SPON1: variants seen among roughly 807,000 people sequenced by gnomAD.
SPON1 encodes spondin 1, also known as spondin-1.
Under a neutral mutation model 111.7 loss-of-function variants are expected in SPON1, and 52 were observed. That is an observed-to-expected ratio of 0.47 (90% CI 0.37 to 0.59). SPON1 has a LOEUF of 0.59. Among genes scored for constraint, SPON1 ranks in the 20% least tolerant of loss-of-function variants. The pLI, the probability that SPON1 is intolerant of heterozygous loss-of-function variation, is 0.00. For missense variants in SPON1, 957 were observed against 1,068.5 expected (o/e 0.90, Z 1.46); for synonymous variants, 410 against 395.8 (o/e 1.04, Z -0.43).
At chr11:14,238,713 C>T (rs1265143396) in intron 6 of SPON1, among the ~76,000 whole-genome samples, 1 of 152,190 alleles carries the variant, frequency 6.6e-6, no homozygotes, top group Non-Finnish European at 1.5e-5. Flanking sequence ...ATATGCTCTT[C>T]CCATTTGGTA....
intron 6 of SPON1, among the ~76,000 whole-genome samples, chr11:14,216,983 C>T (rs947411430): frequency 6.6e-6 from 1 of 152,206 alleles, no homozygotes. Flanking sequence ...GCAGATATAG[C>T]AACAGCATCA....
chr11:13,983,493 A>T (rs16913534), intron 2 of SPON1, among the ~76,000 whole-genome samples: 1 of 152,132 alleles, frequency 6.6e-6, no homozygotes, highest in Non-Finnish European at 1.5e-5. Flanking sequence ...TCACAGAACA[A>T]CCTCCTCAAG....
chr11:14,208,448 C>A (rs1256450916), intron 6 of SPON1, among the ~76,000 whole-genome samples: 1 of 151,438 alleles, frequency 6.6e-6, no homozygotes, highest in East Asian at 1.9e-4. Context: ...ATATGTTTTT[C>A]TTTTCACTTC....
chr11:14,194,212 T>C (rs1353909916), intron 6 of SPON1, among the ~76,000 whole-genome samples: 1 of 152,100 alleles, frequency 6.6e-6, no homozygotes, highest in Non-Finnish European at 1.5e-5. Flanking sequence ...TATTAAATCT[T>C]CCCATTGGTG....
chr11:14,265,568 CTG>C lies in SPON1; in HGVS notation c.2308_2309del (p.Cys770ArgfsTer66). The C allele has an allele frequency of 6.2e-7, 1 of 1,613,722 alleles. No homozygotes were observed. The highest frequency in any genetic ancestry group is 8.5e-7 in the Non-Finnish European group (1 of 1,179,812). Reference protein sequence around the residue: ...PWTAWSECTKLCGGGIQERYM... With the variant: ...PWTAWSECTKXCGGGIQERYM... Reference sequence around the variant, plus strand: ...GACGGCCTGGTCAGAATGCACCAAACTGTGCGGAGGTGGAATTCAGGAACGTT... The same window carrying C: ...GACGGCCTGGTCAGAATGCACCAAACTGCGGAGGTGGAATTCAGGAACGTT... On this transcript the variant is annotated frameshift_variant, in exon 16 of 16. Transcript: ENST00000576479. LOFTEE classifies it high-confidence loss of function.
chr11:14,023,887 A>T (rs1216517445), intron 2 of SPON1, among the ~76,000 whole-genome samples: 2 of 152,128 alleles, frequency 1.3e-5, no homozygotes, highest in Non-Finnish European at 2.9e-5. Flanking sequence ...CTGTAATCCC[A>T]GCTACTTGGG....
intron 6 of SPON1, among the ~76,000 whole-genome samples, chr11:14,153,759 G>A (rs1564916962): frequency 6.6e-6 from 1 of 152,144 alleles, no homozygotes. Flanking sequence ...AGTCTCATCT[G>A]AGACAAGGCA....
At chr11:13,978,218 G>C (rs910683006) in intron 1 of SPON1, among the ~76,000 whole-genome samples, 6 of 152,092 alleles carry the variant, frequency 3.9e-5, no homozygotes, top group African/African-American at 7.2e-5. Context: ...CATTAAGATT[G>C]TCTTGGACAA....
At chr11:14,074,154 T>A (rs868984381) in intron 3 of SPON1, among the ~76,000 whole-genome samples, 2 of 152,256 alleles carry the variant, frequency 1.3e-5, no homozygotes, top group South Asian at 2.1e-4. Flanking sequence ...ATGATCAAAG[T>A]AGCTTTGCGT....
intron 2 of SPON1, among the ~76,000 whole-genome samples, chr11:13,985,416 G>A (rs1468387399): frequency 6.6e-6 from 1 of 152,178 alleles, no homozygotes; most frequent in East Asian, 1.9e-4. Context: ...ACATGATGAG[G>A]TAAGCATTAT....
intron 6 of SPON1, among the ~76,000 whole-genome samples, chr11:14,201,256 C>T (rs888568234): frequency 1.3e-5 from 2 of 151,864 alleles, no homozygotes; most frequent in African/African-American, 4.8e-5. Flanking sequence ...AGGAGAATGG[C>T]GTGAACCCAG....
chr11:13,992,608 G>A (rs1160461975), intron 2 of SPON1, among the ~76,000 whole-genome samples: 1 of 152,150 alleles, frequency 6.6e-6, no homozygotes, highest in East Asian at 1.9e-4. Flanking sequence ...CCGGGGTATG[G>A]AAGAAAAGAA....
At position 14,256,687 on chromosome 11, in the gene SPON1, A is replaced by G. The variant is rs376572740; in HGVS notation, c.1304A>G (p.Asp435Gly). 6.8e-6 allele frequency: 11 copies of G among 1,613,156 alleles called. No homozygotes were observed. The highest frequency in any genetic ancestry group is 9.3e-6 in the Non-Finnish European group (11 of 1,179,384). The change falls in exon 10 of 16, where the codon GAT becomes GGT. Residue 435 changes from aspartate to glycine, a missense_variant. Asp to Gly is a moderately conservative substitution (Grantham distance 94, BLOSUM62 -1). Transcript: ENST00000576479. ...IVADLAPEEKDEDDTPETCIY... is the reference protein window; with the variant it reads ...IVADLAPEEKGEDDTPETCIY... ...GCTGACCTGGCTCCAGAAGAGAAAG[A>G]TGAAGGTACGTTGTTTTCTTTTGTT...
intron 6 of SPON1, among the ~76,000 whole-genome samples, chr11:14,171,522 G>T (rs1413363109): frequency 3.3e-5 from 5 of 151,938 alleles, no homozygotes; most frequent in African/African-American, 7.3e-5. Flanking sequence ...GTTATTTCTT[G>T]CCTTCTGCTA....
At chr11:14,127,302 GA>G (rs11398250) in intron 5 of SPON1, among the ~76,000 whole-genome samples, 37 of 137,062 alleles carry the variant, frequency 2.7e-4, no homozygotes, top group African/African-American at 4.3e-4. Flanking sequence ...TCTGACCTCC[GA>G]AAAAAAAAAA....
chr11:13,999,540 G>GGA (rs1256208485), intron 2 of SPON1, among the ~76,000 whole-genome samples: 2 of 151,814 alleles, frequency 1.3e-5, no homozygotes, highest in African/African-American at 2.4e-5. Flanking sequence ...TGAGTAGCTG[G>GGA]GACTACAGGC....
At chr11:14,102,825 C>A (rs1015076851) in intron 5 of SPON1, among the ~76,000 whole-genome samples, 3 of 152,162 alleles carry the variant, frequency 2.0e-5, no homozygotes, top group Admixed American at 6.5e-5. Flanking sequence ...TGTTTAACAC[C>A]TAATTTACAT....
At chr11:14,219,131 G>A (rs1471567107) in intron 6 of SPON1, among the ~76,000 whole-genome samples, 1 of 152,102 alleles carries the variant, frequency 6.6e-6, no homozygotes, top group African/African-American at 2.4e-5. Flanking sequence ...TGCCACCTAT[G>A]CTGTCAGCCA....
chr11:14,223,744 TC>T (rs1848706969), intron 6 of SPON1, among the ~76,000 whole-genome samples: 1 of 152,226 alleles, frequency 6.6e-6, no homozygotes, highest in Non-Finnish European at 1.5e-5. Context: ...CATAGTTTTC[TC>T]CCTCCTACCT....
Sources: allele counts gnomAD v4.1 joint callset (sites outside exome capture counted in the v4.1 genomes callset), GRCh38; gene constraint gnomAD v4.1.1; transcripts MANE v1.5; gene names NCBI Gene and HGNC (gene_info 2026-07-23, HGNC 2026-07-21).